TULP4: variants seen among roughly 807,000 people sequenced by gnomAD.
The protein encoded by TULP4 is TUB like protein 4, also known as tubby-related protein 4.
A neutral mutation model predicts 129.0 loss-of-function variants in TULP4; 16 were observed. The ratio of observed to expected loss-of-function variants is 0.12; its 90% confidence interval spans 0.08 to 0.19. The LOEUF (loss-of-function observed/expected upper bound fraction) is 0.19, where lower values mean the gene tolerates loss of function less well. Ranked by LOEUF, TULP4 falls within the 10% of genes least tolerant of loss-of-function variation. The pLI, the probability that TULP4 is intolerant of heterozygous loss-of-function variation, is 1.00. For synonymous variants in TULP4, 998 were observed against 854.0 expected (o/e 1.17, Z -2.94); for missense variants, 1,842 against 2,059.1 (o/e 0.89, Z 2.04).
At chr6:158,375,025 T>C (rs1262610912) in intron 1 of TULP4, among the ~76,000 whole-genome samples, 1 of 152,060 alleles carries the variant, frequency 6.6e-6, no homozygotes, top group Admixed American at 6.6e-5. Flanking sequence ...GGCGGGTCAC[T>C]TGAGGTCAGG....
At chr6:158,241,976 T>G in intron 1 of TULP4, 1 of 879,508 alleles carries the variant, frequency 1.1e-6, no homozygotes, top group Non-Finnish European at 2.0e-6. Context: ...TTCACTTTCT[T>G]CTTGGAGTCA....
intron 1 of TULP4, among the ~76,000 whole-genome samples, chr6:158,296,620 G>C (rs940036171): frequency 6.6e-6 from 1 of 151,686 alleles, no homozygotes; most frequent in Non-Finnish European, 1.5e-5. Flanking sequence ...AAGTATCGGG[G>C]GAACCCACCC....
Position 158,501,981 on chromosome 6 carries a change from T to C in TULP4, c.2318T>C (p.Leu773Pro). ...CGCATCATTCAGAACCCCCCTCCACTGTCCCTGCCTCCCCCGCCGCAGGGG... is the reference window on the plus strand; with the variant it reads ...CGCATCATTCAGAACCCCCCTCCACCGTCCCTGCCTCCCCCGCCGCAGGGG... Reference protein sequence around the residue: ...MGRIIQNPPPLSLPPPPQGPM... With the variant: ...MGRIIQNPPPPSLPPPPQGPM... Residue 773 changes from leucine (L) to proline (P), a missense_variant, in exon 13 of 14, where the codon CTG becomes CCG. This residue lies in a region of TULP4 where 1,089 missense variants were observed against 987.1 expected (regional missense o/e 1.10). Transcript: ENST00000367097. 1.2e-6 allele frequency: 2 copies of C among 1,610,590 alleles called. No individual in the cohort carries two copies. The highest frequency in any genetic ancestry group is 1.7e-6 in the Non-Finnish European group (2 of 1,178,924).
chr6:158,345,885 C>T (rs1006150846), intron 1 of TULP4, among the ~76,000 whole-genome samples: 3 of 152,086 alleles, frequency 2.0e-5, no homozygotes, highest in African/African-American at 2.4e-5. Flanking sequence ...TTATGTCAAC[C>T]GCGTAAGACA....
intron 2 of TULP4, among the ~76,000 whole-genome samples, chr6:158,418,099 G>T (rs796756590): frequency 6.0e-5 from 8 of 134,250 alleles, no homozygotes; most frequent in African/African-American, 1.7e-4. Flanking sequence ...GTGTGTGTGT[G>T]TTTTTTTTTT....
Position 158,392,794 on chromosome 6 carries a change from C to CTTTTTTTTTTTTTTTTTTTTTTTTTTT in TULP4, c.253-20246_253-20245insTTTTTTTTTTTTTTTTTTTTTTTTTTT, listed in dbSNP as rs773565295. On this transcript the variant is annotated intron_variant, in intron 1 of 13. Coordinates refer to ENST00000367097, the MANE Select transcript of TULP4 (RefSeq NM_020245.5). Reference sequence around the variant, plus strand: ...GTACCTATTGTTTAAATTTGTATTTCTTTTTTTTTTTTTTTTTTTTTTTTT... The same window carrying CTTTTTTTTTTTTTTTTTTTTTTTTTTT: ...GTACCTATTGTTTAAATTTGTATTTCTTTTTTTTTTTTTTTTTTTTTTTTTTTTTTTTTTTTTTTTTTTTTTTTTTTT... Among the ~76,000 whole-genome samples, 3 of 54,642 alleles carry CTTTTTTTTTTTTTTTTTTTTTTTTTTT rather than the reference C, an allele frequency of 5.5e-5. 1 individual carries two copies. The highest frequency in any genetic ancestry group is 2.6e-4 in the African/African-American group (3 of 11,452). 35.8% of individuals were successfully genotyped at this position (54,642 alleles called of 152,430 possible). A position where few individuals can be genotyped will look rare whatever the true frequency, so the allele number is the denominator to read the frequency against.
At position 158,418,087 on chromosome 6, in the gene TULP4, T is replaced by G. The variant is rs565241101; in HGVS notation, c.381+4894T>G. Among the ~76,000 whole-genome samples the G allele has an allele frequency of 1.1e-3, 162 of 149,352 alleles. 1 individual carries two copies. Among genetic ancestry groups the G allele is most frequent in the Admixed American group, 6.1e-4 (9 of 14,754 alleles). Reference sequence around the variant, plus strand: ...TAAAAGAACTGGAGTTTCTGCCTTTTTGTGTGTGTGTGTTTTTTTTTTTTT... The same window carrying G: ...TAAAAGAACTGGAGTTTCTGCCTTTGTGTGTGTGTGTGTTTTTTTTTTTTT... On this transcript the variant is annotated intron_variant, in intron 2 of 13. Transcript: ENST00000367097.
chr6:158,298,858 C>T (rs968535950), intron 1 of TULP4, among the ~76,000 whole-genome samples: 2 of 152,034 alleles, frequency 1.3e-5, no homozygotes, highest in Non-Finnish European at 2.9e-5. Flanking sequence ...CCTAGGTGCC[C>T]GGGGATGCCG....
Position 158,444,081 on chromosome 6 carries a change from G to A in TULP4, c.544-4915G>A, listed in dbSNP as rs377460906. Among the ~76,000 whole-genome samples the A allele has an allele frequency of 8.6e-5, 13 of 151,880 alleles. No homozygotes were observed. In the East Asian group the frequency reaches 1.2e-3, roughly 14 times the overall value. The stretch of plus-strand genomic sequence containing the variant: ...AAAAAATACAAAAAATTAGCCTGGC[G>A]TGGTGGCGCAAGCCTGTAGTCCCAG... On this transcript the variant is annotated intron_variant, in intron 3 of 13. Transcript: ENST00000367097.
Position 158,498,712 on chromosome 6 carries a change from G to T in TULP4, c.1914G>T (p.Met638Ile). ...TSLLHLQPRQ[M>I]TIYLPEVRKI... is the part of the protein sequence containing the mutation. ...TCCTGCATCTCCAGCCGCGGCAGAT[G>T]ACCATTTATCTCCCAGAAGTTCGGA... is the stretch of plus-strand genomic sequence containing the variant. Residue 638 changes from methionine (M) to isoleucine (I), a missense_variant, in exon 12 of 14, where the codon ATG (methionine) becomes ATT (isoleucine). This residue lies in a region of TULP4 where 99 missense variants were observed against 165.1 expected (regional missense o/e 0.60). Coordinates refer to ENST00000367097, the MANE Select transcript of TULP4 (RefSeq NM_020245.5). The T allele has an allele frequency of 6.2e-7, 1 of 1,614,188 alleles. No individual in the cohort carries two copies. Among genetic ancestry groups the T allele is most frequent in the Non-Finnish European group, 8.5e-7 (1 of 1,180,036 alleles).
chr6:158,281,539 G>T (rs1483879532), upstream of TULP4, among the ~76,000 whole-genome samples: 1 of 152,184 alleles, frequency 6.6e-6, no homozygotes, highest in Non-Finnish European at 1.5e-5. Flanking sequence ...GATGGGGGCA[G>T]GTGGTTACAT....
chr6:158,482,398 A>G (rs1475112435), intron 8 of TULP4, among the ~76,000 whole-genome samples: 4 of 152,074 alleles, frequency 2.6e-5, no homozygotes, highest in Admixed American at 2.0e-4. Flanking sequence ...CAGCAATACC[A>G]CTTGTCAATA....
At position 158,413,254 on chromosome 6, in the gene TULP4, C is replaced by A. The variant is rs1778136812; in HGVS notation, c.381+61C>A. ...GCGGGGTAGAGGACTCCCAGACAGG[C>A]ATTCCGGAGCCAGTGCGTTAGCACC... On this transcript the variant is annotated intron_variant, in intron 2 of 13. Coordinates refer to ENST00000367097, the MANE Select transcript of TULP4 (RefSeq NM_020245.5). This position sits in a 1 kb window ranked among gnomAD's most constrained non-coding sequence, Gnocchi z 4.9. 1.3e-6 allele frequency: 2 copies of A among 1,543,274 alleles called. No individual in the cohort carries two copies. Among genetic ancestry groups the A allele is most frequent in the Non-Finnish European group, 8.8e-7 (1 of 1,138,482 alleles).
At chr6:158,403,729 A>C (rs1226920363) in intron 1 of TULP4, among the ~76,000 whole-genome samples, 2 of 152,126 alleles carry the variant, frequency 1.3e-5, no homozygotes, top group Non-Finnish European at 2.9e-5. Flanking sequence ...CTAGTATTTT[A>C]ATTTGGGCGT....
chr6:158,280,938 T>G (rs1026826513), upstream of TULP4, among the ~76,000 whole-genome samples: 1 of 152,170 alleles, frequency 6.6e-6, no homozygotes, highest in Admixed American at 6.5e-5. Flanking sequence ...TTAAAAAATA[T>G]TTTATTTAAA....
At chr6:158,446,928 C>A (rs1312904031) in intron 3 of TULP4, among the ~76,000 whole-genome samples, 1 of 152,142 alleles carries the variant, frequency 6.6e-6, no homozygotes, top group Non-Finnish European at 1.5e-5. Flanking sequence ...ACTGAATCAT[C>A]CCCCAAAGAC....
At chr6:158,356,361 G>A (rs934895644) in intron 1 of TULP4, among the ~76,000 whole-genome samples, 1 of 152,202 alleles carries the variant, frequency 6.6e-6, no homozygotes, top group Non-Finnish European at 1.5e-5. Flanking sequence ...ACAGTGACAT[G>A]AATCCAGGGA....
chr6:158,403,752 G>A (rs1777908068), intron 1 of TULP4, among the ~76,000 whole-genome samples: 1 of 152,152 alleles, frequency 6.6e-6, no homozygotes, highest in Admixed American at 6.5e-5. Flanking sequence ...CATTGCTCAG[G>A]TATGTTCCTT....
intron 8 of TULP4, among the ~76,000 whole-genome samples, chr6:158,482,173 C>A (rs969996300): frequency 2.6e-5 from 4 of 152,194 alleles, no homozygotes. Flanking sequence ...CACTTCCTCG[C>A]TCCAGTTTAC....
Sources: allele counts gnomAD v4.1 joint callset (sites outside exome capture counted in the v4.1 genomes callset), GRCh38; gene constraint gnomAD v4.1.1; regional missense constraint gnomAD v4.1.1; non-coding constraint Gnocchi (gnomAD v3.1); transcripts MANE v1.5; gene names NCBI Gene and HGNC (gene_info 2026-07-23, HGNC 2026-07-21).